SOX6: variants seen among roughly 807,000 people sequenced by gnomAD.
SOX6 encodes transcription factor SOX-6.
In SOX6, 11 loss-of-function variants were observed where a neutral mutation model predicts 97.8. The observed-to-expected ratio is 0.11, with a 90% CI of 0.07 to 0.19. The LOEUF (loss-of-function observed/expected upper bound fraction) is 0.19, where lower values mean the gene tolerates loss of function less well. Ranked by LOEUF, SOX6 falls within the 10% of genes least tolerant of loss-of-function variation. The pLI is 1.00. For missense variants in SOX6, 810 were observed against 1,039.5 expected (o/e 0.78, Z 3.04); for synonymous variants, 360 against 371.4 (o/e 0.97, Z 0.35).
At chr11:16,429,027 C>G (rs921236694) in intron 1 of SOX6, among the ~76,000 whole-genome samples, 1 of 151,840 alleles carries the variant, frequency 6.6e-6, no homozygotes, top group Admixed American at 6.6e-5. Flanking sequence ...CTTGAACAGG[C>G]ACTTTTCAAA....
At chr11:16,702,227 G>C (rs1256997585) in intron 3 of SOX6, among the ~76,000 whole-genome samples, 1 of 152,132 alleles carries the variant, frequency 6.6e-6, no homozygotes, top group Non-Finnish European at 1.5e-5. Flanking sequence ...CAGCTGAAAG[G>C]AGAGGATATA....
chr11:16,526,645 AAAAT>A (rs912474199), intron 4 of SOX6, among the ~76,000 whole-genome samples: 48 of 151,778 alleles, frequency 3.2e-4, no homozygotes, highest in Admixed American at 6.6e-4. Context: ...ATAATAAATT[AAAAT>A]AAATAAATAA....
intron 2 of SOX6, among the ~76,000 whole-genome samples, chr11:16,332,421 A>T (rs928224938): frequency 6.6e-6 from 1 of 152,164 alleles, no homozygotes; most frequent in East Asian, 1.9e-4. Flanking sequence ...GAATGAGGGC[A>T]CACTTCCTCT....
rs1848791631 is a variant in SOX6 at position 16,096,230 on chromosome 11, AAGT to A, written c.979-115_979-113del. On this transcript the variant is annotated intron_variant, in intron 8 of 15. Transcript: ENST00000683767. ...GGTATTGACCACATCAAAAAATAGA[AAGT>A]AGAAAGTTTAAGACTCAGTTTCTTT... 1.6e-5 allele frequency: 21 copies of A among 1,305,938 alleles called. No individual in the cohort carries two copies. The South Asian group carries it at 2.7e-4, about 17-fold the overall frequency. The allele number at this position is 1,305,938 out of a possible 1,614,324, so 80.9% of individuals were successfully genotyped here. A position where few individuals can be genotyped will look rare whatever the true frequency, so the allele number is the denominator to read the frequency against.
At chr11:16,569,824 G>A (rs1847917660) in intron 4 of SOX6, among the ~76,000 whole-genome samples, 2 of 139,844 alleles carry the variant, frequency 1.4e-5, no homozygotes, top group South Asian at 4.4e-4. Flanking sequence ...AGCTGAGATA[G>A]CGCCACTGCA....
chr11:16,711,574 A>C (rs1292283139), intron 3 of SOX6, among the ~76,000 whole-genome samples: 1 of 152,206 alleles, frequency 6.6e-6, no homozygotes, highest in African/African-American at 2.4e-5. Context: ...TTAAAATGGC[A>C]CTTAAGATGA....
Position 16,165,253 on chromosome 11 carries a change from T to C in SOX6, c.777+18633A>G, listed in dbSNP as rs531769292. On this transcript the variant is annotated intron_variant, in intron 6 of 15. Coordinates refer to ENST00000683767, the MANE Select transcript of SOX6 (RefSeq NM_001367873.1). ...CAGTCAACAAAGCTCATTAAAATTT[T>C]ACTAAATTAAAAATCATTTTACTTA... Among the ~76,000 whole-genome samples, 20 of 152,328 alleles carry C rather than the reference T, an allele frequency of 1.3e-4. No homozygotes were observed. In the South Asian group the frequency reaches 3.9e-3, roughly 30 times the overall value.
chr11:16,212,929 C>T (rs984338008), intron 4 of SOX6, among the ~76,000 whole-genome samples: 3 of 152,142 alleles, frequency 2.0e-5, no homozygotes, highest in African/African-American at 4.8e-5. Context: ...GTTCAAGTAT[C>T]TTCATGCCAA....
At chr11:16,441,086 C>T (rs1859494944) in intron 1 of SOX6, among the ~76,000 whole-genome samples, 1 of 152,066 alleles carries the variant, frequency 6.6e-6, no homozygotes, top group Admixed American at 6.6e-5. Context: ...ACTATAGCCA[C>T]CCCTCATGTC....
chr11:16,608,809 T>C, intron 4 of SOX6, among the ~76,000 whole-genome samples: 1 of 152,196 alleles, frequency 6.6e-6, no homozygotes, highest in Non-Finnish European at 1.5e-5. Context: ...TAAGTCTTCA[T>C]TGTATGGGAT....
chr11:16,733,496 CAT>C (rs1430041449), intron 2 of SOX6, among the ~76,000 whole-genome samples: 1 of 147,650 alleles, frequency 6.8e-6, no homozygotes, highest in African/African-American at 2.5e-5. Flanking sequence ...CCAAACACGA[CAT>C]GTTCCCACTC....
chr11:16,074,100 C>T (rs1848290875), intron 9 of SOX6, among the ~76,000 whole-genome samples: 1 of 152,070 alleles, frequency 6.6e-6, no homozygotes, highest in Non-Finnish European at 1.5e-5. Context: ...TAACCACAAT[C>T]AGAGCTGAAC....
chr11:16,557,183 C>T (rs576636530), intron 4 of SOX6, among the ~76,000 whole-genome samples: 5 of 151,908 alleles, frequency 3.3e-5, no homozygotes, highest in Non-Finnish European at 7.4e-5. Context: ...TGTCAAAAGC[C>T]TCTTGAGTAT....
At chr11:16,676,667 T>C (rs1339936433) in intron 3 of SOX6, among the ~76,000 whole-genome samples, 2 of 152,228 alleles carry the variant, frequency 1.3e-5, no homozygotes, top group Non-Finnish European at 2.9e-5. Flanking sequence ...ATGAACTTAG[T>C]AGTCATCTAA....
At chr11:16,393,795 T>G (rs1208390732) in intron 1 of SOX6, among the ~76,000 whole-genome samples, 1 of 152,040 alleles carries the variant, frequency 6.6e-6, no homozygotes, top group Admixed American at 6.6e-5. Context: ...TGTTAACTAC[T>G]TTGCATCTTT....
At chr11:16,432,533 T>C (rs10734244) in intron 1 of SOX6, among the ~76,000 whole-genome samples, 151,502 of 152,226 alleles carry the variant, frequency 1, 75,396 homozygotes, top group Middle Eastern at 1. Context: ...ATGATACAAA[T>C]TGCCGTAATC....
chr11:16,283,539 A>G (rs1389355489), intron 3 of SOX6, among the ~76,000 whole-genome samples: 1 of 151,808 alleles, frequency 6.6e-6, no homozygotes, highest in Non-Finnish European at 1.5e-5. Flanking sequence ...AAGAAGTTAG[A>G]AACACATACA....
intron 4 of SOX6, among the ~76,000 whole-genome samples, chr11:16,517,861 C>T (rs1860998227): frequency 6.6e-6 from 1 of 152,084 alleles, no homozygotes; most frequent in African/African-American, 2.4e-5. Flanking sequence ...AAATATTTGT[C>T]ATTATTTATG....
At chr11:16,625,494 C>T (rs918084454) in intron 3 of SOX6, among the ~76,000 whole-genome samples, 1 of 152,120 alleles carries the variant, frequency 6.6e-6, no homozygotes, top group Non-Finnish European at 1.5e-5. Context: ...TTCCTAACAA[C>T]AGAGTTCCTA....
Sources: allele counts gnomAD v4.1 joint callset (sites outside exome capture counted in the v4.1 genomes callset), GRCh38; gene constraint gnomAD v4.1.1; transcripts MANE v1.5; gene names NCBI Gene and HGNC (gene_info 2026-07-23, HGNC 2026-07-21).